CCSER1: variants seen among roughly 807,000 people sequenced by gnomAD.
The protein encoded by CCSER1 is serine-rich coiled-coil domain-containing protein 1.
A neutral mutation model predicts 82.0 loss-of-function variants in CCSER1; 41 were observed. That is an observed-to-expected ratio of 0.50 (90% confidence interval 0.39 to 0.65). The LOEUF (loss-of-function observed/expected upper bound fraction) is 0.65, where lower values mean the gene tolerates loss of function less well. Among genes scored for constraint, CCSER1 ranks in the 30% least tolerant of loss-of-function variants. The probability of loss-of-function intolerance (pLI) is 0.00; values close to 1 mark genes in which losing one functional copy is unlikely to be tolerated. For synonymous variants in CCSER1, 414 were observed against 383.9 expected (o/e 1.08, Z -0.92); for missense variants, 1,119 against 1,064.2 (o/e 1.05, Z -0.72).
In CCSER1 at chr4:91,313,794, A is replaced by AT. The variant is rs573174600; in HGVS notation, c.2217+227804dup. On this transcript the variant is annotated intron_variant, in intron 10 of 10. Transcript: ENST00000509176. Reference sequence around the variant, plus strand: ...AGCCCCCTGACCTATGATTGAGGCCATTTTATACTTCCCAGTTCTGCCAGG... The same window carrying AT: ...AGCCCCCTGACCTATGATTGAGGCCATTTTTATACTTCCCAGTTCTGCCAGG... 2.0e-4 allele frequency among the ~76,000 whole-genome samples: 30 copies of AT among 152,082 alleles called. No homozygotes were observed. The East Asian group carries it at 5.8e-3, about 30-fold the overall frequency.
chr4:91,127,364 G>C (rs1727609065), intron 10 of CCSER1, among the ~76,000 whole-genome samples: 1 of 152,044 alleles, frequency 6.6e-6, no homozygotes, highest in Non-Finnish European at 1.5e-5. Context: ...TGTAACCGTA[G>C]AGACCATGTG....
intron 1 of CCSER1, among the ~76,000 whole-genome samples, chr4:90,273,326 T>C (rs1726936743): frequency 6.6e-6 from 1 of 152,084 alleles, no homozygotes; most frequent in East Asian, 1.9e-4. Context: ...TTATATTCAA[T>C]AACAATTTAA....
chr4:90,461,276 C>A (rs1442511597), intron 4 of CCSER1, among the ~76,000 whole-genome samples: 1 of 118,948 alleles, frequency 8.4e-6, no homozygotes, highest in Non-Finnish European at 1.7e-5. Context: ...CGTTTTTTAG[C>A]CGGGATGGTC....
chr4:90,366,866 A>G (rs955179764), intron 3 of CCSER1, among the ~76,000 whole-genome samples: 39 of 152,020 alleles, frequency 2.6e-4, no homozygotes, highest in African/African-American at 8.7e-4. Context: ...GGCCAAATAA[A>G]GAGAGATCAT....
intron 9 of CCSER1, among the ~76,000 whole-genome samples, chr4:91,085,308 A>T (rs967328556): frequency 2.0e-5 from 3 of 152,122 alleles, no homozygotes; most frequent in Non-Finnish European, 2.9e-5. Flanking sequence ...AATTTATCAG[A>T]TTAGAGCAAA....
intron 1 of CCSER1, among the ~76,000 whole-genome samples, chr4:90,221,773 C>T (rs1742203282): frequency 6.6e-6 from 1 of 152,036 alleles, no homozygotes; most frequent in Admixed American, 6.6e-5. Flanking sequence ...AGTTTAGATG[C>T]CTTGACTATT....
At chr4:91,396,770 C>A (rs1403181887) in intron 10 of CCSER1, among the ~76,000 whole-genome samples, 2 of 151,950 alleles carry the variant, frequency 1.3e-5, no homozygotes, top group Non-Finnish European at 2.9e-5. Flanking sequence ...TCCTTTGATA[C>A]CTAACCATTA....
At chr4:90,408,002 C>T (rs1321953140) in intron 4 of CCSER1, among the ~76,000 whole-genome samples, 1 of 152,172 alleles carries the variant, frequency 6.6e-6, no homozygotes, top group African/African-American at 2.4e-5. Flanking sequence ...GCGCATGGCT[C>T]AGAGGGTCCT....
At chr4:90,274,668 A>G (rs977525936) in intron 1 of CCSER1, among the ~76,000 whole-genome samples, 1 of 152,092 alleles carries the variant, frequency 6.6e-6, no homozygotes, top group African/African-American at 2.4e-5. Flanking sequence ...CTTTATTACA[A>G]TTACAAAGTC....
intron 3 of CCSER1, among the ~76,000 whole-genome samples, chr4:90,388,011 AGTTTGG>A (rs1164784606): frequency 6.6e-6 from 1 of 152,108 alleles, no homozygotes; most frequent in Non-Finnish European, 1.5e-5. Flanking sequence ...TCAGACTTTG[AGTTTGG>A]CTATCTCTTG....
At chr4:90,548,794 T>G (rs1412774952) in intron 5 of CCSER1, among the ~76,000 whole-genome samples, 1 of 151,420 alleles carries the variant, frequency 6.6e-6, no homozygotes, top group Non-Finnish European at 1.5e-5. Context: ...ACACACATAC[T>G]AGCATATTCT....
chr4:90,796,048 G>C (rs1407374508), intron 7 of CCSER1, among the ~76,000 whole-genome samples: 1 of 151,750 alleles, frequency 6.6e-6, no homozygotes, highest in Non-Finnish European at 1.5e-5. Context: ...AGTTATGTGG[G>C]ATAGTTTCAG....
intron 5 of CCSER1, among the ~76,000 whole-genome samples, chr4:90,605,993 A>G (rs562688846): frequency 1.2e-3 from 186 of 152,260 alleles, no homozygotes; most frequent in African/African-American, 4.4e-3. Flanking sequence ...TCTTAAAAAG[A>G]GGTACTATAT....
At chr4:90,470,773 A>C (rs1416267931) in intron 5 of CCSER1, among the ~76,000 whole-genome samples, 4 of 150,752 alleles carry the variant, frequency 2.7e-5, no homozygotes, top group Admixed American at 6.6e-5. Flanking sequence ...AAAAAAAAAA[A>C]AAAAAAAACA....
At chr4:91,133,381 C>T (rs1435814879) in intron 10 of CCSER1, among the ~76,000 whole-genome samples, 3 of 152,054 alleles carry the variant, frequency 2.0e-5, no homozygotes, top group Non-Finnish European at 2.9e-5. Context: ...GGTGAGGAAG[C>T]GGTTCATGAA....
chr4:90,463,084 T>C (rs532271545), intron 4 of CCSER1, among the ~76,000 whole-genome samples: 2 of 152,278 alleles, frequency 1.3e-5, no homozygotes, highest in South Asian at 2.1e-4. Context: ...ATATTGATAA[T>C]TTTGATGCAA....
rs561201772 is a variant in CCSER1, at chr4:90,167,025, T to A, written c.-42+39194T>A. Among the ~76,000 whole-genome samples, 9 of 151,966 alleles carry A rather than the reference T, an allele frequency of 5.9e-5. No individual in the cohort carries two copies. In the South Asian group the frequency reaches 1.7e-3, roughly 28 times the overall value. ...AAGCGTAAGTTTATGTTATATCATC[T>A]TCTTATGTGTATTGTTTATTATAAT... On this transcript the variant is annotated intron_variant, in intron 1 of 10. Transcript: ENST00000509176.
intron 8 of CCSER1, among the ~76,000 whole-genome samples, chr4:90,901,639 T>A (rs1724671469): frequency 6.6e-6 from 1 of 152,086 alleles, no homozygotes; most frequent in Non-Finnish European, 1.5e-5. Flanking sequence ...AAGGTTTTTG[T>A]TGAGAAGTCA....
intron 3 of CCSER1, among the ~76,000 whole-genome samples, chr4:90,322,361 A>G (rs772662772): frequency 2.0e-5 from 3 of 152,162 alleles, no homozygotes; most frequent in Non-Finnish European, 4.4e-5. Context: ...TGATACTACC[A>G]TGCTATTTTG....
Sources: allele counts gnomAD v4.1 joint callset (sites outside exome capture counted in the v4.1 genomes callset), GRCh38; gene constraint gnomAD v4.1.1; transcripts MANE v1.5; gene names NCBI Gene and HGNC (gene_info 2026-07-23, HGNC 2026-07-21).